Variants in USP28 observed in about 807,000 individuals in gnomAD.
USP28 encodes the protein ubiquitin carboxyl-terminal hydrolase 28.
USP28 carries 113 observed loss-of-function variants against 145.0 expected under a neutral mutation model. That is an observed-to-expected ratio of 0.78 (90% confidence interval 0.67 to 0.91). USP28 has a LOEUF of 0.91. Ranked by LOEUF, USP28 falls within the 40% of genes least tolerant of loss-of-function variation. USP28 has a pLI of 0.00. For synonymous variants in USP28, 447 were observed against 450.9 expected, an observed-to-expected ratio of 0.99 and a Z score of 0.11; for missense variants, 1,201 against 1,289.6, an observed-to-expected ratio of 0.93 and a Z score of 1.05.
At chr11:113,867,532 A>G (rs2137053744) in intron 1 of USP28, among the ~76,000 whole-genome samples, 1 of 152,002 alleles carries the variant, frequency 6.6e-6, no homozygotes, top group African/African-American at 2.4e-5. Flanking sequence ...CCCACTTTAA[A>G]ATAATTTTAT....
exon 16 of USP28, chr11:113,812,406 G>A: frequency 6.2e-7 from 1 of 1,614,026 alleles, no homozygotes; most frequent in Non-Finnish European, 8.5e-7. Context: ...CATTGTACTT[G>A]AGCCAGCTCT....
intron 3 of USP28, among the ~76,000 whole-genome samples, chr11:113,846,251 A>C (rs1044771940): frequency 2.0e-5 from 3 of 152,240 alleles, no homozygotes; most frequent in Non-Finnish European, 2.9e-5. Flanking sequence ...GTTGCACAAC[A>C]ATATGAATTT....
intron 12 of USP28, among the ~76,000 whole-genome samples, chr11:113,819,876 C>T (rs768964780): frequency 1.2e-4 from 18 of 152,140 alleles, no homozygotes; most frequent in Non-Finnish European, 2.1e-4. Flanking sequence ...TGCGCCACCA[C>T]GCTCGGCTAA....
At chr11:113,802,169 TCC>T (rs985655431) in intron 23 of USP28, among the ~76,000 whole-genome samples, 26 of 152,278 alleles carry the variant, frequency 1.7e-4, no homozygotes, top group African/African-American at 6.0e-4. Context: ...AGAGTCTAAA[TCC>T]CTATAATTGC....
rs1056514933 is a variant in USP28, at chr11:113,807,984, C to A, written c.2304+314G>T. The A allele has an allele frequency of 1.2e-5, 14 of 1,186,956 alleles. No individual in the cohort carries two copies. The South Asian group carries it at 2.6e-4, about 22-fold the overall frequency. 73.5% of individuals were successfully genotyped at this position (1,186,956 alleles called of 1,614,324 possible). On this transcript the variant is annotated intron_variant, in intron 18 of 24. Transcript: ENST00000003302. ...CATATCCATCTGCATCAGATCTAAC[C>A]AGAATCCTTCCCACACTGGGAATCT...
At chr11:113,822,912 C>T (rs1191675116) in intron 12 of USP28, among the ~76,000 whole-genome samples, 1 of 151,868 alleles carries the variant, frequency 6.6e-6, no homozygotes, top group Non-Finnish European at 1.5e-5. Flanking sequence ...AAATTAATGG[C>T]CTAATAAGGG....
chr11:113,850,526 C>T (rs757757529), intron 3 of USP28, among the ~76,000 whole-genome samples: 2 of 152,160 alleles, frequency 1.3e-5, no homozygotes, highest in Non-Finnish European at 2.9e-5. Flanking sequence ...AGAATACTCA[C>T]AGCAGCATCA....
exon 14 of USP28, chr11:113,815,264 G>T: frequency 6.2e-7 from 1 of 1,614,154 alleles, no homozygotes; most frequent in East Asian, 2.2e-5. Context: ...CGTGGAGCTG[G>T]CTGTGAAGGC....
intron 15 of USP28, 118 bp from the exon 16 acceptor site, chr11:113,812,622 T>TTGTTGA: frequency 2.3e-6 from 2 of 886,498 alleles, no homozygotes; most frequent in South Asian, 3.5e-5. Flanking sequence ...TTAAAACATC[T>TTGTTGA]TGTTGATTCA....
chr11:113,849,382 A>C (rs1311250826), intron 3 of USP28, among the ~76,000 whole-genome samples: 1 of 152,242 alleles, frequency 6.6e-6, no homozygotes, highest in African/African-American at 2.4e-5. Flanking sequence ...GGGATCAAAG[A>C]AGGTAAAAAC....
chr11:113,858,066 A>G (rs1012022370), intron 1 of USP28, among the ~76,000 whole-genome samples: 1 of 152,106 alleles, frequency 6.6e-6, no homozygotes, highest in African/African-American at 2.4e-5. Flanking sequence ...GGGTTTCTCC[A>G]TGTTGGCCAG....
exon 25 of USP28, chr11:113,798,130 A>G (rs1415784393): frequency 1.4e-5 from 2 of 143,988 alleles, no homozygotes; most frequent in Non-Finnish European, 3.0e-5. Flanking sequence ...GGCAAAAAAG[A>G]AGGCCGGGTA....
At chr11:113,840,752 T>C in exon 5 of USP28, 4 of 1,614,138 alleles carry the variant, frequency 2.5e-6, no homozygotes, top group East Asian at 2.2e-5. Context: ...GGTTGCTTCA[T>C]GCATCCTATA....
At chr11:113,827,400 AT>A in intron 10 of USP28, 40 bp from the exon 11 acceptor site, 1 of 1,536,698 alleles carries the variant, frequency 6.5e-7, no homozygotes, top group Non-Finnish European at 8.7e-7. Context: ...AGAAAAATTA[AT>A]TTTAGGAAAT....
intron 12 of USP28, among the ~76,000 whole-genome samples, chr11:113,819,659 G>C (rs1276771353): frequency 2.0e-5 from 3 of 152,118 alleles, no homozygotes; most frequent in African/African-American, 4.8e-5. Flanking sequence ...TTATAAAAAT[G>C]TATCAAGGGA....
intron 5 of USP28, among the ~76,000 whole-genome samples, chr11:113,838,224 G>T (rs982970732): frequency 3.3e-5 from 5 of 152,156 alleles, no homozygotes; most frequent in Non-Finnish European, 7.4e-5. Flanking sequence ...GGGGGCGGTG[G>T]TTGTGAATCC....
chr11:113,857,923 T>C (rs1947240454), intron 1 of USP28, among the ~76,000 whole-genome samples: 1 of 152,012 alleles, frequency 6.6e-6, no homozygotes, highest in Non-Finnish European at 1.5e-5. Flanking sequence ...TGCAATAGCA[T>C]GGTACAATCT....
At chr11:113,823,662 CTCT>C in exon 12 of USP28, 4 of 1,612,462 alleles carry the variant, frequency 2.5e-6, no homozygotes, top group Non-Finnish European at 3.4e-6. Flanking sequence ...AATACACTCT[CTCT>C]TATTTCGAAT....
intron 3 of USP28, among the ~76,000 whole-genome samples, chr11:113,848,962 G>A (rs1400862773): frequency 6.6e-6 from 1 of 152,122 alleles, no homozygotes; most frequent in African/African-American, 2.4e-5. Context: ...ACCACTTGAG[G>A]GGCATTTATT....
Sources: allele counts gnomAD v4.1 joint callset (sites outside exome capture counted in the v4.1 genomes callset), GRCh38; gene constraint gnomAD v4.1.1; transcripts MANE v1.5; gene names NCBI Gene and HGNC (gene_info 2026-07-23, HGNC 2026-07-21).